Variants in MTMR9 observed in about 807,000 individuals in gnomAD.
MTMR9 encodes the protein myotubularin-related protein 9.
In MTMR9, 39 loss-of-function variants were observed where a neutral mutation model predicts 69.5. That is an observed-to-expected ratio of 0.56 (90% CI 0.43 to 0.73). The LOEUF is 0.73. Among genes scored for constraint, MTMR9 ranks in the 30% least tolerant of loss-of-function variants. The pLI, the probability that MTMR9 is intolerant of heterozygous loss-of-function variation, is 0.00. For missense variants in MTMR9, 900 were observed against 671.2 expected (o/e 1.34, Z -3.77); for synonymous variants, 354 against 240.8 (o/e 1.47, Z -4.35).
intron 1 of MTMR9, among the ~76,000 whole-genome samples, chr8:11,290,613 A>G (rs767505186): frequency 5.9e-5 from 9 of 152,146 alleles, no homozygotes; most frequent in Admixed American, 4.6e-4. Flanking sequence ...TTTGGATTCT[A>G]TCTTTGTTTC....
chr8:11,298,508 A>T (rs1189524229), intron 2 of MTMR9, among the ~76,000 whole-genome samples: 2 of 152,022 alleles, frequency 1.3e-5, no homozygotes, highest in African/African-American at 4.8e-5. Flanking sequence ...TTGGATGGAG[A>T]TGTTTTTGCT....
chr8:11,330,977 T>C (rs1389313789), downstream of MTMR9: 5 of 1,429,786 alleles, frequency 3.5e-6, no homozygotes, highest in Middle Eastern at 2.6e-4. Flanking sequence ...AGCGGGAAAA[T>C]AGGCGTGCTA....
chr8:11,287,377 A>G (rs1210384487), intron 1 of MTMR9, among the ~76,000 whole-genome samples: 1 of 152,070 alleles, frequency 6.6e-6, no homozygotes, highest in Non-Finnish European at 1.5e-5. Context: ...TTTGTAGTAC[A>G]TGAAGAAGAA....
chr8:11,323,987 A>T lies in MTMR9; in HGVS notation c.*1199A>T, dbSNP rs146368940. 6.6e-6 allele frequency: 1 copy of T among 152,182 alleles called. No individual in the cohort carries two copies. Among genetic ancestry groups the T allele is most frequent in the Non-Finnish European group, 1.5e-5 (1 of 68,034 alleles). The allele number at this position is 152,182 out of a possible 1,614,324, so 9.4% of individuals were successfully genotyped here. On this transcript the variant is annotated 3_prime_UTR_variant, in exon 10 of 10. Coordinates refer to ENST00000221086, the MANE Select transcript of MTMR9 (RefSeq NM_015458.4). ...CTGCTAGTCTATGCCTGCAACTCCA[A>T]ATGTTTGTGGTTCAGTATTTCCCAC...
Position 11,309,560 on chromosome 8 carries a change from T to C in MTMR9, c.843T>C (p.Leu281=). The C allele has an allele frequency of 6.2e-7, 1 of 1,613,832 alleles. No individual in the cohort carries two copies. The highest frequency in any genetic ancestry group is 1.1e-5 in the South Asian group (1 of 91,076). The part of the protein sequence containing the change: ...YHILQESLIK[L]VEACNDQTHN... Reference sequence around the variant, plus strand: ...TTCTTCAGGAGAGCTTAATCAAACTTGTGGAAGCTTGTAATGACCAAACAC... The same window carrying C: ...TTCTTCAGGAGAGCTTAATCAAACTCGTGGAAGCTTGTAATGACCAAACAC... The change falls in exon 6 of 10, where the codon CTT becomes CTC. Residue 281 remains leucine (L), a synonymous_variant. Coordinates refer to ENST00000221086, the MANE Select transcript of MTMR9 (RefSeq NM_015458.4).
the MTMR9 span, among the ~76,000 whole-genome samples, chr8:11,337,167 G>A: frequency 6.6e-6 from 1 of 152,152 alleles, no homozygotes; most frequent in African/African-American, 2.4e-5. Flanking sequence ...AGCTTGCACT[G>A]CATTCTAGAC....
chr8:11,316,594 G>T (rs770952547), intron 7 of MTMR9, 79 bp from the exon 8 acceptor site: 5 of 822,030 alleles, frequency 6.1e-6, no homozygotes, highest in Admixed American at 3.1e-5. Flanking sequence ...CACTGTAATT[G>T]TGTATAGTGG....
At chr8:11,333,660 A>C in the MTMR9 span, among the ~76,000 whole-genome samples, 1 of 152,232 alleles carries the variant, frequency 6.6e-6, no homozygotes, top group Non-Finnish European at 1.5e-5. Context: ...TTCCATAGGA[A>C]TTAAAAGACA....
intron 1 of MTMR9, among the ~76,000 whole-genome samples, chr8:11,288,235 AATAATAATAATTAT>A (rs1799253865): frequency 7.9e-6 from 1 of 126,712 alleles, no homozygotes; most frequent in South Asian, 2.6e-4. Context: ...TATAATATAT[AATAATAATAATTAT>A]ATTATAATAA....
At chr8:11,303,129 C>G (rs1799810469) in intron 3 of MTMR9, among the ~76,000 whole-genome samples, 1 of 149,042 alleles carries the variant, frequency 6.7e-6, no homozygotes, top group South Asian at 2.2e-4. Context: ...GACCAAAAGA[C>G]CAAGAGGAGC....
At chr8:11,319,559 G>C in intron 8 of MTMR9, 128 bp from the exon 9 acceptor site, 1 of 936,310 alleles carries the variant, frequency 1.1e-6, no homozygotes, top group Non-Finnish European at 1.6e-6. Context: ...TCAACACTTT[G>C]TTTCTCTACC....
intron 7 of MTMR9, chr8:11,316,078 T>C (rs1800401113): frequency 6.6e-6 from 1 of 152,240 alleles, no homozygotes; most frequent in East Asian, 1.9e-4. Flanking sequence ...TGGCAGACTC[T>C]TGCTGTTCAT....
chr8:11,331,430 C>T (rs542010230), downstream of MTMR9: 20 of 1,614,026 alleles, frequency 1.2e-5, 1 homozygote, highest in South Asian at 1.9e-4. Context: ...GCTTCTGTGC[C>T]CTGCTCAACG....
chr8:11,317,062 A>G (rs1800450189), intron 8 of MTMR9, 169 bp downstream of exon 8: 1 of 470,830 alleles, frequency 2.1e-6, no homozygotes, highest in South Asian at 4.9e-5. Context: ...ATATTCTTTT[A>G]TGAGAGCATG....
rs1248627712 is a variant in MTMR9, at chr8:11,324,916, C to A, written c.*2128C>A. On this transcript the variant is annotated 3_prime_UTR_variant, in exon 10 of 10. Coordinates refer to ENST00000221086, the MANE Select transcript of MTMR9 (RefSeq NM_015458.4). ...CTTCTGTTGATCGGCCATAGGGCTT[C>A]CATGGGTGGAAACTTGTGAGGGAGT... 1 of 152,264 alleles carries A rather than the reference C, an allele frequency of 6.6e-6. No homozygotes were observed. Among genetic ancestry groups the A allele is most frequent in the African/African-American group, 2.4e-5 (1 of 41,448 alleles). The allele number at this position is 152,264 out of a possible 1,614,324, so 9.4% of individuals were successfully genotyped here. A position where few individuals can be genotyped will look rare whatever the true frequency, so the allele number is the denominator to read the frequency against.
At chr8:11,298,636 C>A in intron 2 of MTMR9, 3 of 489,004 alleles carry the variant, frequency 6.1e-6, no homozygotes, top group Non-Finnish European at 8.0e-6. Flanking sequence ...TGCTGTTGGG[C>A]CTTCTCCTCC....
chr8:11,295,793 G>A (rs1799534533), intron 2 of MTMR9, among the ~76,000 whole-genome samples: 2 of 152,102 alleles, frequency 1.3e-5, no homozygotes, highest in Admixed American at 1.3e-4. Flanking sequence ...ATATGGAATT[G>A]TAAACCAATA....
chr8:11,314,003 A>C (rs1171411091), intron 6 of MTMR9, among the ~76,000 whole-genome samples: 1 of 152,232 alleles, frequency 6.6e-6, no homozygotes, highest in African/African-American at 2.4e-5. Context: ...TCCATGAACG[A>C]GCTATGCCTG....
chr8:11,316,939 G>A (rs537571207), intron 8 of MTMR9, 46 bp downstream of exon 8: 4 of 1,345,192 alleles, frequency 3.0e-6, no homozygotes, highest in East Asian at 2.4e-5. Flanking sequence ...CCGTTGTTTT[G>A]GCTACTTCCT....
Sources: allele counts gnomAD v4.1 joint callset (sites outside exome capture counted in the v4.1 genomes callset), GRCh38; gene constraint gnomAD v4.1.1; transcripts MANE v1.5; gene names NCBI Gene and HGNC (gene_info 2026-07-23, HGNC 2026-07-21).